The following NVL variants were observed in gnomAD, a reference collection of about 807,000 sequenced individuals.
The protein encoded by NVL is nuclear VCP like.
NVL carries 84 observed loss-of-function variants against 110.2 expected under a neutral mutation model. The observed-to-expected ratio is 0.76, with a 90% confidence interval of 0.64 to 0.91. The LOEUF is 0.91. NVL is among the 40% of genes least tolerant of loss of function. The pLI is 0.00. For synonymous variants in NVL, 354 were observed against 361.1 expected (o/e 0.98, Z 0.22); for missense variants, 882 against 1,035.9 (o/e 0.85, Z 2.04).
chr1:224,320,633 T>G (rs1306563264), intron 2 of NVL, among the ~76,000 whole-genome samples: 2 of 149,394 alleles, frequency 1.3e-5, no homozygotes, highest in Non-Finnish European at 3.0e-5. Flanking sequence ...GGTGACTGAG[T>G]GAGACTCCAT....
chr1:224,274,773 G>A (rs918382355), intron 17 of NVL, among the ~76,000 whole-genome samples: 3 of 152,130 alleles, frequency 2.0e-5, no homozygotes, highest in African/African-American at 7.2e-5. Flanking sequence ...AACTGTTTCT[G>A]GTACTCCGTA....
chr1:224,270,056 T>C (rs1187848829), intron 17 of NVL: 1 of 149,664 alleles, frequency 6.7e-6, no homozygotes, highest in Non-Finnish European at 1.5e-5. Context: ...AGGTATGAAC[T>C]ACCGCGCCCA....
chr1:224,302,497 G>A (rs758580779), intron 9 of NVL, among the ~76,000 whole-genome samples: 2 of 152,022 alleles, frequency 1.3e-5, no homozygotes, highest in Admixed American at 6.6e-5. Context: ...CACTGCGCCC[G>A]GCGAGCATGC....
intron 18 of NVL, among the ~76,000 whole-genome samples, chr1:224,266,057 A>G (rs1664470165): frequency 6.6e-6 from 1 of 152,238 alleles, no homozygotes. Flanking sequence ...AATTAAACAG[A>G]TAATAATTTT....
chr1:224,256,495 G>A (rs1336004049), intron 18 of NVL, among the ~76,000 whole-genome samples: 1 of 149,288 alleles, frequency 6.7e-6, no homozygotes, highest in Non-Finnish European at 1.5e-5. Context: ...AGTTCTACAT[G>A]CCCCAAGGTA....
intron 22 of NVL, among the ~76,000 whole-genome samples, chr1:224,230,378 G>A (rs1659736919): frequency 6.6e-6 from 1 of 152,200 alleles, no homozygotes; most frequent in Admixed American, 6.5e-5. Flanking sequence ...GCCAAGGCGG[G>A]TGGATCACGA....
chr1:224,231,696 A>C (rs1659890481), intron 21 of NVL, among the ~76,000 whole-genome samples: 1 of 152,168 alleles, frequency 6.6e-6, no homozygotes, highest in Non-Finnish European at 1.5e-5. Context: ...AATATCATAG[A>C]ATATTTTATA....
intron 10 of NVL, among the ~76,000 whole-genome samples, chr1:224,298,080 T>C (rs1188093322): frequency 2.7e-5 from 4 of 150,176 alleles, no homozygotes; most frequent in African/African-American, 4.9e-5. Flanking sequence ...AGTGCATGCC[T>C]GTAATCCCAG....
intron 9 of NVL, chr1:224,301,629 C>T: frequency 6.3e-6 from 2 of 318,554 alleles, no homozygotes; most frequent in Non-Finnish European, 6.2e-6. Flanking sequence ...CAGTGAGACC[C>T]CACCTCTAAA....
chr1:224,307,414 A>G (rs1464467254), intron 6 of NVL, among the ~76,000 whole-genome samples: 1 of 152,210 alleles, frequency 6.6e-6, no homozygotes, highest in Non-Finnish European at 1.5e-5. Context: ...TTTTAAATAG[A>G]AGAATGATAA....
intron 18 of NVL, among the ~76,000 whole-genome samples, chr1:224,251,866 T>G (rs1043941554): frequency 6.6e-6 from 1 of 152,080 alleles, no homozygotes; most frequent in African/African-American, 2.4e-5. Context: ...AAAGGCAAAA[T>G]GTGAGTCCTC....
At chr1:224,256,959 C>T in intron 18 of NVL, 1 of 467,124 alleles carries the variant, frequency 2.1e-6, no homozygotes, top group Non-Finnish European at 4.4e-6. Flanking sequence ...CGGCTCAAAC[C>T]ACCACCACCT....
intron 18 of NVL, among the ~76,000 whole-genome samples, chr1:224,259,368 G>A (rs996134904): frequency 1.3e-5 from 2 of 152,148 alleles, no homozygotes; most frequent in Admixed American, 6.6e-5. Context: ...TGGGATTACA[G>A]GCATGAGCCA....
chr1:224,289,822 T>G, intron 12 of NVL, 89 bp from the exon 13 acceptor site: 3 of 1,299,006 alleles, frequency 2.3e-6, no homozygotes, highest in Non-Finnish European at 3.1e-6. Context: ...GTCCTTCACG[T>G]CTGCCAAAGG....
intron 18 of NVL, among the ~76,000 whole-genome samples, chr1:224,253,237 A>T (rs6701456): frequency 6.6e-6 from 1 of 151,460 alleles, no homozygotes; most frequent in Non-Finnish European, 1.5e-5. Context: ...TTTTTAGTAG[A>T]GACAGGGTTT....
intron 5 of NVL, among the ~76,000 whole-genome samples, chr1:224,308,649 C>T (rs1221492783): frequency 6.7e-6 from 1 of 149,952 alleles, no homozygotes; most frequent in African/African-American, 2.5e-5. Flanking sequence ...CGAGATCACA[C>T]CACTGCACTC....
At chr1:224,252,994 G>A (rs947273834) in intron 18 of NVL, among the ~76,000 whole-genome samples, 14 of 151,906 alleles carry the variant, frequency 9.2e-5, no homozygotes, top group Admixed American at 6.6e-4. Context: ...AATCATTTTG[G>A]GTTTCACCCA....
intron 18 of NVL, among the ~76,000 whole-genome samples, chr1:224,259,558 AT>A (rs1663717231): frequency 7.2e-5 from 11 of 152,244 alleles, no homozygotes; most frequent in Admixed American, 7.2e-4. Flanking sequence ...AACACTATAA[AT>A]ATATCCATTG....
intron 18 of NVL, among the ~76,000 whole-genome samples, chr1:224,257,341 A>T (rs1343005526): frequency 6.6e-6 from 1 of 152,154 alleles, no homozygotes; most frequent in African/African-American, 2.4e-5. Context: ...AACATTAATT[A>T]AAAAAGAAAA....
Sources: allele counts gnomAD v4.1 joint callset (sites outside exome capture counted in the v4.1 genomes callset), GRCh38; gene constraint gnomAD v4.1.1; transcripts MANE v1.5; gene names NCBI Gene and HGNC (gene_info 2026-07-23, HGNC 2026-07-21).